The following ALS2 variants were observed in gnomAD, a reference collection of about 807,000 sequenced individuals.
ALS2 encodes alsin Rho guanine nucleotide exchange factor ALS2, also known as alsin.
In ALS2, 117 loss-of-function variants were observed where a neutral mutation model predicts 203.4. That is an observed-to-expected ratio of 0.58 (90% confidence interval 0.50 to 0.67). ALS2 has a LOEUF of 0.67. Among genes scored for constraint, ALS2 ranks in the 30% least tolerant of loss-of-function variants. ALS2 has a pLI of 0.00. For missense variants in ALS2, 1,715 were observed against 1,989.4 expected (o/e 0.86, Z 2.62); for synonymous variants, 718 against 725.9 (o/e 0.99, Z 0.17).
intron 8 of ALS2, among the ~76,000 whole-genome samples, chr2:201,748,650 CTTTG>C (rs10560093): frequency 0.53 from 79,833 of 151,434 alleles, 23,153 homozygotes; most frequent in Admixed American, 0.67. Context: ...TTTGCAATAT[CTTTG>C]TTTGTGATAA....
At chr2:201,780,626 A>G (rs1485113901) in intron 1 of ALS2, among the ~76,000 whole-genome samples, 1 of 152,162 alleles carries the variant, frequency 6.6e-6, no homozygotes, top group Non-Finnish European at 1.5e-5. Context: ...GGAGGGAGAG[A>G]CCGGGGCAAG....
chr2:201,744,526 C>T (rs1303368087), intron 9 of ALS2, 97 bp from the exon 10 acceptor site: 1 of 1,270,004 alleles, frequency 7.9e-7, no homozygotes, highest in Non-Finnish European at 1.1e-6. Context: ...CAAGAGCTAA[C>T]TGTTAAATAT....
intron 3 of ALS2, chr2:201,763,257 G>C (rs895977774): frequency 1.1e-5 from 2 of 181,864 alleles, no homozygotes; most frequent in Non-Finnish European, 2.3e-5. Flanking sequence ...ACAGACTGCT[G>C]TGGCTTTGTG....
intron 11 of ALS2, 59 bp from the exon 12 acceptor site, chr2:201,738,794 T>C (rs1692052214): frequency 1.5e-6 from 2 of 1,340,808 alleles, no homozygotes; most frequent in South Asian, 2.4e-5. Context: ...TTCTTCAGTT[T>C]CCAAACACAT....
chr2:201,742,568 C>T (rs1692348137), intron 10 of ALS2, among the ~76,000 whole-genome samples: 1 of 152,188 alleles, frequency 6.6e-6, no homozygotes, highest in Non-Finnish European at 1.5e-5. Context: ...CAGGAAGCTT[C>T]CAGCTTAGAT....
In ALS2 at chr2:201,701,626, G is replaced by C. The variant is rs1689393099; in HGVS notation, c.*225C>G. ...TGGAACTTATCATAGGCCAAGAACT[G>C]GTCTAATCTGATTTTTTACCTCCCT... On this transcript the variant is annotated 3_prime_UTR_variant, in exon 34 of 34. Coordinates refer to ENST00000264276, the MANE Select transcript of ALS2 (RefSeq NM_020919.4). 4 of 549,686 alleles carry C rather than the reference G, an allele frequency of 7.3e-6. No homozygotes were observed. In the South Asian group the frequency reaches 9.6e-5, roughly 13 times the overall value. 34.1% of individuals were successfully genotyped at this position (549,686 alleles called of 1,614,324 possible). A position where few individuals can be genotyped will look rare whatever the true frequency, so the allele number is the denominator to read the frequency against.
rs1297933397 is a variant in ALS2 at position 201,741,780 on chromosome 2, T to C, written c.2245A>G (p.Ile749Val). 1 of 1,613,874 alleles carries C rather than the reference T, an allele frequency of 6.2e-7. No homozygotes were observed. Among genetic ancestry groups the C allele is most frequent in the Admixed American group, 1.7e-5 (1 of 60,012 alleles). Residue 749 changes from isoleucine (I) to valine (V), a missense_variant, in exon 11 of 34, where the codon ATT (isoleucine) becomes GTT (valine). Physicochemically the swap from Ile to Val is conservative, Grantham distance 29. Transcript: ENST00000264276. ...ASRFSKLCYL[I>V]GQHGASLSSF... is the part of the protein sequence containing the mutation. ...CTCAATGAGGCTCCATGCTGACCAA[T>C]GAGGTAACACAGCTTGCTGAATCGG...
intron 12 of ALS2, among the ~76,000 whole-genome samples, chr2:201,737,225 A>G (rs1391864059): frequency 1.3e-5 from 2 of 152,164 alleles, no homozygotes; most frequent in African/African-American, 4.8e-5. Context: ...TAATCTAGAG[A>G]TGATTTAACA....
chr2:201,758,762 G>GTGTGTGTGTGTGTGCGCA (rs1490097159), intron 4 of ALS2, among the ~76,000 whole-genome samples: 4 of 149,048 alleles, frequency 2.7e-5, no homozygotes, highest in Admixed American at 1.3e-4. Context: ...GTGTGCGCAT[G>GTGTGTGTGTGTGTGCGCA]TGTGTGTGTG....
rs777662520 is a variant in ALS2, at chr2:201,709,866, G to A, written c.4280+15C>T. The A allele has an allele frequency of 4.5e-5, 73 of 1,613,752 alleles. No homozygotes were observed. The Admixed American group carries it at 6.5e-4, about 14-fold the overall frequency. On this transcript the variant is annotated intron_variant, in intron 27 of 33. Transcript: ENST00000264276. ...TATTCCATAGCCCGCAGACTTTAGT[G>A]AAAAGCTCTCTTACCTCACCAGCTG...
chr2:201,776,382 A>G (rs1574814291), intron 1 of ALS2, among the ~76,000 whole-genome samples: 3 of 152,180 alleles, frequency 2.0e-5, no homozygotes, highest in African/African-American at 7.2e-5. Context: ...GAGTGGGGGG[A>G]AAGTGTGTAA....
intron 1 of ALS2, among the ~76,000 whole-genome samples, chr2:201,775,274 A>G (rs1341859180): frequency 6.6e-6 from 1 of 152,192 alleles, no homozygotes; most frequent in Non-Finnish European, 1.5e-5. Flanking sequence ...AGTTGGTTAC[A>G]TTTTATTACA....
intron 7 of ALS2, among the ~76,000 whole-genome samples, chr2:201,752,285 T>A (rs952581038): frequency 1.3e-5 from 2 of 152,176 alleles, no homozygotes; most frequent in Non-Finnish European, 2.9e-5. Flanking sequence ...TATATGCATT[T>A]TATACTTATT....
At chr2:201,733,834 G>A (rs1196989501) in intron 12 of ALS2, among the ~76,000 whole-genome samples, 4 of 152,134 alleles carry the variant, frequency 2.6e-5, no homozygotes, top group African/African-American at 9.7e-5. Context: ...AGAAACACTG[G>A]AAGAAAAAGC....
At chr2:201,728,451 A>G in intron 15 of ALS2, 61 bp downstream of exon 15, 1 of 1,598,930 alleles carries the variant, frequency 6.3e-7, no homozygotes, top group Non-Finnish European at 8.6e-7. Flanking sequence ...CTGATAGTAC[A>G]GTTAATAAGG....
At chr2:201,732,578 A>AAAC (rs1165739449) in intron 13 of ALS2, among the ~76,000 whole-genome samples, 1 of 151,934 alleles carries the variant, frequency 6.6e-6, no homozygotes, top group African/African-American at 2.4e-5. Context: ...AAAAACAAAC[A>AAAC]AACAACAACA....
intron 7 of ALS2, among the ~76,000 whole-genome samples, chr2:201,751,890 C>T (rs932460523): frequency 6.6e-6 from 1 of 152,154 alleles, no homozygotes; most frequent in Non-Finnish European, 1.5e-5. Context: ...TTACCGGATA[C>T]TCAAGTCTTG....
intron 20 of ALS2, 116 bp downstream of exon 20, chr2:201,725,240 T>A (rs1574702891): frequency 1.2e-6 from 1 of 815,314 alleles, no homozygotes; most frequent in East Asian, 2.4e-5. Context: ...CTCCTCTAAA[T>A]TTTATCTATA....
chr2:201,706,385 CAAAAAAAGAAAAA>C (rs1431891783), intron 29 of ALS2, among the ~76,000 whole-genome samples: 2 of 73,850 alleles, frequency 2.7e-5, no homozygotes, highest in Non-Finnish European at 6.3e-5. Context: ...AACTCTCTTT[CAAAAAAAGAAAAA>C]AAAAAAAACA....
Sources: allele counts gnomAD v4.1 joint callset (sites outside exome capture counted in the v4.1 genomes callset), GRCh38; gene constraint gnomAD v4.1.1; transcripts MANE v1.5; gene names NCBI Gene and HGNC (gene_info 2026-07-23, HGNC 2026-07-21).